Variants in DCLK2 observed in about 807,000 individuals in gnomAD.
DCLK2 encodes doublecortin like kinase 2.
Under a neutral mutation model 78.4 loss-of-function variants are expected in DCLK2, and 31 were observed. That is an observed-to-expected ratio of 0.40 (90% CI 0.30 to 0.53). DCLK2 has a LOEUF of 0.53. Among genes scored for constraint, DCLK2 ranks in the 20% least tolerant of loss-of-function variants. DCLK2 has a pLI of 0.61. For missense variants in DCLK2, 872 were observed against 973.7 expected (o/e 0.90, Z 1.39); for synonymous variants, 407 against 374.9 (o/e 1.09, Z -0.99).
chr4:150,098,228 A>G (rs1423094613), intron 1 of DCLK2, among the ~76,000 whole-genome samples: 8 of 152,094 alleles, frequency 5.3e-5, no homozygotes, highest in Admixed American at 5.2e-4. Context: ...CTACGGTGGT[A>G]AAGAAATGGC....
intron 4 of DCLK2, among the ~76,000 whole-genome samples, chr4:150,202,601 C>G (rs1275848900): frequency 6.6e-6 from 1 of 152,050 alleles, no homozygotes; most frequent in Non-Finnish European, 1.5e-5. Flanking sequence ...CTATTCAGGA[C>G]CTTTACCTGT....
intron 4 of DCLK2, among the ~76,000 whole-genome samples, chr4:150,201,095 G>T (rs187019574): frequency 1.3e-4 from 20 of 152,330 alleles, no homozygotes; most frequent in Admixed American, 8.5e-4. Context: ...TGGGATTACA[G>T]ACATGAGCCA....
intron 1 of DCLK2, among the ~76,000 whole-genome samples, chr4:150,101,366 A>C (rs1254337435): frequency 6.6e-6 from 1 of 152,196 alleles, no homozygotes; most frequent in Non-Finnish European, 1.5e-5. Context: ...GATTTCAAGA[A>C]CATTATGATA....
At chr4:150,188,010 A>G (rs1237073684) in intron 2 of DCLK2, among the ~76,000 whole-genome samples, 1 of 152,126 alleles carries the variant, frequency 6.6e-6, no homozygotes, top group African/African-American at 2.4e-5. Context: ...CATGTTGGCT[A>G]GGATGGTCTT....
At chr4:150,089,551 G>A (rs1729899205) in intron 1 of DCLK2, among the ~76,000 whole-genome samples, 1 of 152,136 alleles carries the variant, frequency 6.6e-6, no homozygotes. Context: ...CTTTAACAAT[G>A]GTAGCCATTT....
Position 150,220,683 on chromosome 4 carries a change from T to C in DCLK2, c.1057-20T>C, listed in dbSNP as rs1454720155. The stretch of plus-strand genomic sequence containing the variant: ...ATTTGTAAATTATCCTGATAAATAA[T>C]GGTCATTCTCCTCTTTCAGCAGATT... On this transcript the variant is annotated intron_variant, in intron 5 of 15. Transcript: ENST00000296550. The C allele has an allele frequency of 6.3e-7, 1 of 1,598,776 alleles. No individual in the cohort carries two copies. Among genetic ancestry groups the C allele is most frequent in the African/African-American group, 1.3e-5 (1 of 74,622 alleles).
At chr4:150,094,567 G>T (rs1730327865) in intron 1 of DCLK2, among the ~76,000 whole-genome samples, 1 of 152,146 alleles carries the variant, frequency 6.6e-6, no homozygotes, top group Non-Finnish European at 1.5e-5. Context: ...CATGACCTAC[G>T]AGTGTCTCAG....
intron 5 of DCLK2, among the ~76,000 whole-genome samples, chr4:150,210,508 T>A (rs1164367167): frequency 1.3e-5 from 2 of 152,122 alleles, no homozygotes; most frequent in African/African-American, 4.8e-5. Context: ...TAAATGACTC[T>A]ACTAGGAACA....
chr4:150,175,092 A>G (rs1386821908), intron 2 of DCLK2, among the ~76,000 whole-genome samples: 2 of 57,620 alleles, frequency 3.5e-5, no homozygotes, highest in African/African-American at 1.6e-4. Flanking sequence ...TTATATATAT[A>G]TTTATATATA....
At chr4:150,180,915 A>G (rs909827183) in intron 2 of DCLK2, among the ~76,000 whole-genome samples, 19 of 152,218 alleles carry the variant, frequency 1.2e-4, no homozygotes, top group Admixed American at 2.6e-4. Context: ...GTAGTAGATC[A>G]TAAGACCCCC....
chr4:150,254,879 T>A (rs1744449503), intron 15 of DCLK2, among the ~76,000 whole-genome samples: 1 of 152,160 alleles, frequency 6.6e-6, no homozygotes, highest in African/African-American at 2.4e-5. Context: ...GGAGTCTCTG[T>A]GTTGCCCAGG....
intron 12 of DCLK2, 80 bp from the exon 13 acceptor site, chr4:150,247,523 C>T (rs1294855147): frequency 1.6e-6 from 2 of 1,242,690 alleles, no homozygotes; most frequent in Non-Finnish European, 1.2e-6. Flanking sequence ...GACTCCTTTC[C>T]CCGCTCTTCC....
At chr4:150,082,251 A>G (rs1350521341) in intron 1 of DCLK2, among the ~76,000 whole-genome samples, 4 of 152,242 alleles carry the variant, frequency 2.6e-5, no homozygotes, top group African/African-American at 9.6e-5. Flanking sequence ...TCTCTCAGGT[A>G]GTATTTTACA....
intron 8 of DCLK2, among the ~76,000 whole-genome samples, chr4:150,231,600 C>T (rs912621758): frequency 1.3e-5 from 2 of 152,104 alleles, no homozygotes; most frequent in African/African-American, 2.4e-5. Flanking sequence ...AAGAATAATT[C>T]GTTAATTCTG....
At chr4:150,247,425 A>G (rs967200688) in intron 12 of DCLK2, among the ~76,000 whole-genome samples, 178 bp from the exon 13 acceptor site, 6 of 152,148 alleles carry the variant, frequency 3.9e-5, no homozygotes, top group Admixed American at 2.0e-4. Context: ...TCTTTGGCTC[A>G]TTATCTAAAA....
At chr4:150,214,868 A>G (rs1026883409) in intron 5 of DCLK2, among the ~76,000 whole-genome samples, 7 of 151,208 alleles carry the variant, frequency 4.6e-5, no homozygotes, top group African/African-American at 1.7e-4. Flanking sequence ...AGGCCAAGGC[A>G]GGAGAATCAC....
chr4:150,114,850 G>A (rs1413600544), intron 2 of DCLK2, among the ~76,000 whole-genome samples: 2 of 152,204 alleles, frequency 1.3e-5, no homozygotes, highest in Admixed American at 1.3e-4. Context: ...TAGATAGCAT[G>A]ATGACTGTAT....
At chr4:150,198,933 G>C in intron 4 of DCLK2, 2 of 749,052 alleles carry the variant, frequency 2.7e-6, no homozygotes, top group East Asian at 3.1e-5. Context: ...CTTTCTGTAG[G>C]GCAGGTCGTT....
chr4:150,194,218 G>A (rs1384374780), intron 3 of DCLK2, among the ~76,000 whole-genome samples: 4 of 151,984 alleles, frequency 2.6e-5, no homozygotes, highest in African/African-American at 7.3e-5. Context: ...GTTGTGTTAC[G>A]GTTGCCTACA....
Sources: gnomAD v4.1 joint callset for allele counts (sites outside exome capture counted in the v4.1 genomes callset) on GRCh38, gnomAD v4.1.1 for gene constraint, MANE v1.5 for transcripts, NCBI Gene and HGNC (gene_info 2026-07-23, HGNC 2026-07-21) for gene names.